The following TENM3 variants were observed in gnomAD, a reference collection of about 807,000 sequenced individuals.
TENM3 encodes teneurin-3.
In TENM3, 63 loss-of-function variants were observed where a neutral mutation model predicts 255.1. The ratio of observed to expected loss-of-function variants is 0.25; its 90% confidence interval spans 0.20 to 0.30. The LOEUF (loss-of-function observed/expected upper bound fraction) is 0.30, where lower values mean the gene tolerates loss of function less well. Ranked by LOEUF, TENM3 falls within the 10% of genes least tolerant of loss-of-function variation. The pLI is 1.00. For missense variants in TENM3, 2,929 were observed against 3,461.1 expected (o/e 0.85, Z 3.86); for synonymous variants, 1,306 against 1,322.3 (o/e 0.99, Z 0.27).
chr4:181,609,176 AG>A, the TENM3 span, among the ~76,000 whole-genome samples: 1 of 152,146 alleles, frequency 6.6e-6, no homozygotes, highest in South Asian at 2.1e-4. Flanking sequence ...GAAACAGAAA[AG>A]GGGGTGAGGA....
At chr4:181,812,913 C>A in the TENM3 span, among the ~76,000 whole-genome samples, 1 of 152,146 alleles carries the variant, frequency 6.6e-6, no homozygotes, top group Non-Finnish European at 1.5e-5. Context: ...ACTGAATATA[C>A]CTGAGTTGGG....
At chr4:181,570,630 AAG>A in the TENM3 span, among the ~76,000 whole-genome samples, 1 of 148,282 alleles carries the variant, frequency 6.7e-6, no homozygotes, top group Admixed American at 6.8e-5. Flanking sequence ...AAAGAAAGGA[AAG>A]AAAGAGAGAG....
chr4:182,383,631 T>TC (rs1452016006), intron 3 of TENM3, among the ~76,000 whole-genome samples: 1 of 151,992 alleles, frequency 6.6e-6, no homozygotes, highest in African/African-American at 2.4e-5. Context: ...CATCCCTCCC[T>TC]CCCCCCATTT....
chr4:182,044,102 T>C, the TENM3 span, among the ~76,000 whole-genome samples: 1 of 152,156 alleles, frequency 6.6e-6, no homozygotes, highest in African/African-American at 2.4e-5. Flanking sequence ...GCTATGGAGG[T>C]AGGCTACTAC....
chr4:181,580,585 A>T, the TENM3 span, among the ~76,000 whole-genome samples: 1 of 152,204 alleles, frequency 6.6e-6, no homozygotes, highest in Non-Finnish European at 1.5e-5. Flanking sequence ...TATGCTTAAG[A>T]AGATCACACT....
intron 2 of TENM3, among the ~76,000 whole-genome samples, chr4:182,335,294 C>G (rs991459174): frequency 1.5e-5 from 1 of 68,100 alleles, no homozygotes; most frequent in Non-Finnish European, 3.4e-5. Context: ...GTCAGGAGAT[C>G]GAGACCATCC....
the TENM3 span, among the ~76,000 whole-genome samples, chr4:181,799,981 G>A: frequency 2.0e-5 from 3 of 152,150 alleles, no homozygotes; most frequent in Non-Finnish European, 4.4e-5. Context: ...CGGTTGCCCA[G>A]AATAAGGTGG....
the TENM3 span, among the ~76,000 whole-genome samples, chr4:181,856,487 A>G: frequency 2.0e-5 from 3 of 152,224 alleles, no homozygotes; most frequent in African/African-American, 7.2e-5. Context: ...CTCATGAATG[A>G]GTAAATCTTG....
chr4:182,031,587 A>C, the TENM3 span, among the ~76,000 whole-genome samples: 1 of 152,192 alleles, frequency 6.6e-6, no homozygotes, highest in Admixed American at 6.5e-5. Context: ...AATTCTGTGA[A>C]GAATATCAAT....
intron 6 of TENM3, among the ~76,000 whole-genome samples, chr4:182,665,938 T>C (rs1037940318): frequency 6.6e-6 from 1 of 151,702 alleles, no homozygotes; most frequent in Non-Finnish European, 1.5e-5. Flanking sequence ...GCATTCTAGA[T>C]GCTATTAAGA....
At chr4:181,595,236 G>A in the TENM3 span, among the ~76,000 whole-genome samples, 1 of 151,926 alleles carries the variant, frequency 6.6e-6, no homozygotes, top group Admixed American at 6.6e-5. Flanking sequence ...TTCGAGATCA[G>A]CCTGGCCAAC....
the TENM3 span, among the ~76,000 whole-genome samples, chr4:182,021,477 A>T: frequency 1.6e-4 from 24 of 152,078 alleles, no homozygotes; most frequent in African/African-American, 5.8e-4. Context: ...GTCATATTTC[A>T]CTCAAATCCC....
At chr4:182,692,866 C>G (rs1185337191) in intron 12 of TENM3, among the ~76,000 whole-genome samples, 1 of 151,380 alleles carries the variant, frequency 6.6e-6, no homozygotes, top group Non-Finnish European at 1.5e-5. Flanking sequence ...TTTTTAACTT[C>G]TCTCCATCCG....
intron 3 of TENM3, among the ~76,000 whole-genome samples, chr4:182,439,890 C>A (rs1772329613): frequency 3.9e-5 from 6 of 152,144 alleles, no homozygotes; most frequent in Admixed American, 3.9e-4. Context: ...TCTCCAACTT[C>A]CCAGACGGTG....
rs190762721 is a variant in TENM3, at chr4:182,679,748, G to A, written c.1409G>A (p.Arg470Gln). Residue 470 changes from arginine to glutamine, a missense_variant, in exon 8 of 28, where the codon CGG becomes CAG. Around this residue, in one of 6 missense-constraint regions of TENM3, gnomAD observed 1,608 missense variants for 1,884.4 expected, o/e 0.85. Coordinates refer to ENST00000511685, the MANE Select transcript of TENM3 (RefSeq NM_001080477.4). ...CTGCTTGAGACGGAGAGAGCCGGGC[G>A]GCAGGCGAGATCCGTCAGCCTTCAT... Reference protein sequence around the residue: ...RSLLETERAGRQARSVSLHEA... With the variant: ...RSLLETERAGQQARSVSLHEA... The A allele has an allele frequency of 5.8e-5, 94 of 1,613,886 alleles. No homozygotes were observed. The highest frequency in any genetic ancestry group is 4.2e-4 in the East Asian group (19 of 44,874).
chr4:181,635,928 G>A, the TENM3 span, among the ~76,000 whole-genome samples: 2 of 152,152 alleles, frequency 1.3e-5, no homozygotes, highest in South Asian at 2.1e-4. Flanking sequence ...AAATTACATC[G>A]TGGGCTCCCT....
In TENM3 at chr4:182,488,889, T is replaced by C. The variant is rs190294064; in HGVS notation, c.512-112035T>C. 4.5e-3 allele frequency among the ~76,000 whole-genome samples: 680 copies of C among 152,140 alleles called. 7 individuals carry two copies. The highest frequency in any genetic ancestry group is 0.015 in the African/African-American group (642 of 41,502). On this transcript the variant is annotated intron_variant, in intron 3 of 27. Transcript: ENST00000511685. ...AGCCAGTGGAGGTGGGAAGCGGAGGTAGCAAGGGGTGAGGAACTGAAGGAC... is the reference window on the plus strand; with the variant it reads ...AGCCAGTGGAGGTGGGAAGCGGAGGCAGCAAGGGGTGAGGAACTGAAGGAC...
At chr4:181,911,685 A>C in the TENM3 span, among the ~76,000 whole-genome samples, 2 of 152,184 alleles carry the variant, frequency 1.3e-5, no homozygotes, top group African/African-American at 4.8e-5. Context: ...TGGCACATAA[A>C]AATCCACATG....
the TENM3 span, among the ~76,000 whole-genome samples, chr4:181,606,513 C>T: frequency 6.6e-6 from 1 of 152,100 alleles, no homozygotes; most frequent in African/African-American, 2.4e-5. Context: ...CATATTCATT[C>T]ATGAGAGAGA....
Sources: allele counts gnomAD v4.1 joint callset (sites outside exome capture counted in the v4.1 genomes callset), GRCh38; gene constraint gnomAD v4.1.1; regional missense constraint gnomAD v4.1.1; transcripts MANE v1.5; gene names NCBI Gene and HGNC (gene_info 2026-07-23, HGNC 2026-07-21).